Variants in SPON1 observed in about 807,000 individuals in gnomAD.
SPON1 encodes the protein spondin 1.
A neutral mutation model predicts 111.7 loss-of-function variants in SPON1; 52 were observed. The ratio of observed to expected loss-of-function variants is 0.47; its 90% CI spans 0.37 to 0.59. The LOEUF (loss-of-function observed/expected upper bound fraction) is 0.59. SPON1 is among the 20% of genes least tolerant of loss of function. SPON1 has a pLI of 0.00. For synonymous variants in SPON1, 410 were observed against 395.8 expected (o/e 1.04, Z -0.43); for missense variants, 957 against 1,068.5 (o/e 0.90, Z 1.46).
intron 6 of SPON1, among the ~76,000 whole-genome samples, chr11:14,226,960 C>T (rs1306274698): frequency 2.0e-5 from 3 of 152,156 alleles, no homozygotes; most frequent in African/African-American, 4.8e-5. Context: ...TTAGTCAAAT[C>T]TCCCTGTGCC....
At chr11:13,980,390 T>A (rs1245886392) in intron 1 of SPON1, among the ~76,000 whole-genome samples, 1 of 152,150 alleles carries the variant, frequency 6.6e-6, no homozygotes, top group East Asian at 1.9e-4. Context: ...AGTAGCTCCT[T>A]TACTTTTGTG....
intron 5 of SPON1, among the ~76,000 whole-genome samples, chr11:14,082,118 T>G (rs1412374792): frequency 6.6e-6 from 1 of 152,122 alleles, no homozygotes; most frequent in Non-Finnish European, 1.5e-5. Flanking sequence ...TCATCTTTTG[T>G]GATCCTAAGA....
At chr11:14,063,097 C>T (rs1848804089) in intron 3 of SPON1, among the ~76,000 whole-genome samples, 1 of 152,084 alleles carries the variant, frequency 6.6e-6, no homozygotes, top group Non-Finnish European at 1.5e-5. Context: ...AGTTCAACTC[C>T]CTCATGTCTC....
rs1849126645 is a variant in SPON1 at position 14,257,789 on chromosome 11, A to T, written c.1383A>T (p.Lys461Asn). The change falls in exon 11 of 16, where the codon AAA becomes AAT. Residue 461 changes from lysine to asparagine, a missense_variant. Physicochemically the swap from Lys to Asn is moderately conservative, Grantham distance 94. Coordinates refer to ENST00000576479, the MANE Select transcript of SPON1 (RefSeq NM_006108.4). Reference protein sequence around the residue: ...WSACSSSTCDKGKRMRQRMLK... With the variant: ...WSACSSSTCDNGKRMRQRMLK... Reference sequence around the variant, plus strand: ...CCTGCAGCTCCTCCACCTGTGACAAAGGCAAGAGGATGCGACAGCGCATGC... The same window carrying T: ...CCTGCAGCTCCTCCACCTGTGACAATGGCAAGAGGATGCGACAGCGCATGC... The T allele has an allele frequency of 6.2e-7, 1 of 1,612,804 alleles. No homozygotes were observed. The highest frequency in any genetic ancestry group is 1.1e-5 in the South Asian group (1 of 90,696).
intron 13 of SPON1, 126 bp from the exon 14 acceptor site, chr11:14,260,462 A>G: frequency 9.9e-7 from 1 of 1,009,408 alleles, no homozygotes. Context: ...ATTTGAACCC[A>G]TGGGCCAATT....
At position 14,259,650 on chromosome 11, in the gene SPON1, A is replaced by G. The variant is rs1849150385; in HGVS notation, c.1780A>G (p.Met594Val). Residue 594 changes from methionine to valine, a missense_variant, in exon 13 of 16, where the codon ATG (methionine) becomes GTG (valine). Physicochemically the swap from Met to Val is conservative, Grantham distance 21. Transcript: ENST00000576479. This position sits in a 1 kb window ranked among gnomAD's most constrained non-coding sequence, Gnocchi z 5.0. ...CAAGATGAACCCCGCAGATGGCTCC[A>G]TGTGCAAAGCCGAGACATCACAGGC... ...MIKMNPADGSMCKAETSQAEK... is the reference protein window; with the variant it reads ...MIKMNPADGSVCKAETSQAEK... 5 of 1,569,188 alleles carry G rather than the reference A, an allele frequency of 3.2e-6. No homozygotes were observed. Among genetic ancestry groups the G allele is most frequent in the East Asian group, 2.4e-5 (1 of 42,164 alleles).
chr11:14,016,506 T>C (rs1320503974), intron 2 of SPON1, among the ~76,000 whole-genome samples: 1 of 152,232 alleles, frequency 6.6e-6, no homozygotes, highest in African/African-American at 2.4e-5. Context: ...TATTGTTTTC[T>C]AAATTTGATT....
At chr11:14,027,787 C>A (rs1288344545) in intron 2 of SPON1, among the ~76,000 whole-genome samples, 1 of 152,166 alleles carries the variant, frequency 6.6e-6, no homozygotes, top group East Asian at 1.9e-4. Flanking sequence ...CCTCATCTGC[C>A]TTGATGGGCT....
At position 14,257,767 on chromosome 11, in the gene SPON1, G is replaced by A. The variant is rs1554941389; in HGVS notation, c.1361G>A (p.Cys454Tyr). Residue 454 changes from cysteine (C) to tyrosine (Y), a missense_variant, in exon 11 of 16, where the codon TGC becomes TAC. Cys to Tyr is a radical substitution (Grantham distance 194). Coordinates refer to ENST00000576479, the MANE Select transcript of SPON1 (RefSeq NM_006108.4). ...TCCAACTGGTCCCCATGGTCCGCCT[G>A]CAGCTCCTCCACCTGTGACAAAGGC... ...IYSNWSPWSA[C>Y]SSSTCDKGKR... 1 of 1,613,360 alleles carries A rather than the reference G, an allele frequency of 6.2e-7. No homozygotes were observed. Among genetic ancestry groups the A allele is most frequent in the Admixed American group, 1.7e-5 (1 of 59,966 alleles).
intron 7 of SPON1, among the ~76,000 whole-genome samples, chr11:14,247,666 G>C (rs1849007612): frequency 6.6e-6 from 1 of 152,168 alleles, no homozygotes; most frequent in African/African-American, 2.4e-5. Flanking sequence ...GGTGGAGTAA[G>C]GGGGTGGAGA....
chr11:14,225,750 A>G (rs950136894), intron 6 of SPON1, among the ~76,000 whole-genome samples: 3 of 152,228 alleles, frequency 2.0e-5, no homozygotes, highest in African/African-American at 7.2e-5. Flanking sequence ...GAGAAGTCCA[A>G]GTGACAATAA....
intron 6 of SPON1, among the ~76,000 whole-genome samples, chr11:14,169,519 A>G (rs1336099919): frequency 6.6e-6 from 1 of 151,514 alleles, no homozygotes; most frequent in Non-Finnish European, 1.5e-5. Context: ...CCCATTTGTC[A>G]ATTTTGGCTT....
intron 4 of SPON1, among the ~76,000 whole-genome samples, chr11:14,077,557 C>A (rs113608354): frequency 6.6e-6 from 1 of 151,766 alleles, no homozygotes; most frequent in African/African-American, 2.4e-5. Context: ...CTCAGCCTCC[C>A]GAGTAGTTGG....
intron 5 of SPON1, among the ~76,000 whole-genome samples, chr11:14,133,106 T>G (rs1847545784): frequency 6.6e-6 from 1 of 152,228 alleles, no homozygotes; most frequent in Non-Finnish European, 1.5e-5. Flanking sequence ...TTTTGTTTTT[T>G]AACAGCACAT....
intron 5 of SPON1, among the ~76,000 whole-genome samples, chr11:14,103,288 A>G (rs1849157975): frequency 6.6e-6 from 1 of 152,184 alleles, no homozygotes; most frequent in South Asian, 2.1e-4. Flanking sequence ...AAGTCTGGAA[A>G]CAGAAGGGAT....
intron 1 of SPON1, among the ~76,000 whole-genome samples, chr11:13,971,359 T>C (rs926447491): frequency 9.9e-5 from 15 of 152,146 alleles, no homozygotes; most frequent in African/African-American, 3.4e-4. Flanking sequence ...AAACTGGCTC[T>C]GAGAAACTGG....
chr11:14,207,325 AAG>A (rs1374043508), intron 6 of SPON1, among the ~76,000 whole-genome samples: 1 of 152,106 alleles, frequency 6.6e-6, no homozygotes, highest in Non-Finnish European at 1.5e-5. Flanking sequence ...TTTCATGACA[AAG>A]AAGCCAAAAG....
intron 5 of SPON1, among the ~76,000 whole-genome samples, chr11:14,131,207 G>A (rs970462724): frequency 3.3e-5 from 5 of 152,192 alleles, no homozygotes; most frequent in African/African-American, 9.6e-5. Context: ...GTGGGATGTA[G>A]GGAGATGAAC....
chr11:14,242,877 G>T (rs1554939841), intron 6 of SPON1, among the ~76,000 whole-genome samples: 1 of 152,222 alleles, frequency 6.6e-6, no homozygotes, highest in African/African-American at 2.4e-5. Context: ...CTCACCAGCA[G>T]GACAGGCGTT....
Sources: gnomAD v4.1 joint callset for allele counts (sites outside exome capture counted in the v4.1 genomes callset) on GRCh38, gnomAD v4.1.1 for gene constraint, Gnocchi (gnomAD v3.1) non-coding constraint, MANE v1.5 for transcripts, NCBI Gene and HGNC (gene_info 2026-07-23, HGNC 2026-07-21) for gene names.